The following PPP2R2A variants were observed in gnomAD, a reference collection of about 807,000 sequenced individuals.
The protein encoded by PPP2R2A is serine/threonine-protein phosphatase 2A 55 kDa regulatory subunit B alpha isoform.
Under a neutral mutation model 53.2 loss-of-function variants are expected in PPP2R2A, and 9 were observed. That is an observed-to-expected ratio of 0.17 (90% CI 0.10 to 0.30). PPP2R2A has a LOEUF of 0.30. Ranked by LOEUF, PPP2R2A falls within the 10% of genes least tolerant of loss-of-function variation. PPP2R2A has a pLI of 1.00. For synonymous variants in PPP2R2A, 169 were observed against 174.2 expected, an observed-to-expected ratio of 0.97 and a Z score of 0.23; for missense variants, 235 against 534.6, an observed-to-expected ratio of 0.44 and a Z score of 5.53.
intron 9 of PPP2R2A, among the ~76,000 whole-genome samples, chr8:26,369,410 A>G (rs930847975): frequency 4.0e-5 from 6 of 150,294 alleles, no homozygotes; most frequent in Non-Finnish European, 8.9e-5. Context: ...TTTTTTTCCG[A>G]GACGGAGTCT....
intron 3 of PPP2R2A, among the ~76,000 whole-genome samples, chr8:26,349,248 T>G (rs1002259657): frequency 2.6e-5 from 4 of 151,934 alleles, no homozygotes; most frequent in Admixed American, 1.3e-4. Flanking sequence ...GTGTGTGTGT[T>G]TTGTTGGGGA....
intron 6 of PPP2R2A, 97 bp downstream of exon 6, chr8:26,361,248 T>A: frequency 2.4e-6 from 3 of 1,259,906 alleles, no homozygotes; most frequent in Non-Finnish European, 2.2e-6. Context: ...TTGCTTTTTA[T>A]AGTCTGTGTA....
At chr8:26,309,966 C>A (rs183421229) in intron 2 of PPP2R2A, among the ~76,000 whole-genome samples, 229 of 151,892 alleles carry the variant, frequency 1.5e-3, no homozygotes, top group African/African-American at 5.4e-3. Context: ...CACAGAGACA[C>A]AAAGCTAGCA....
chr8:26,326,486 G>A (rs1336022361), intron 2 of PPP2R2A, among the ~76,000 whole-genome samples: 1 of 152,154 alleles, frequency 6.6e-6, no homozygotes, highest in Non-Finnish European at 1.5e-5. Flanking sequence ...AACAATTCTG[G>A]CAGGAAACAA....
intron 4 of PPP2R2A, among the ~76,000 whole-genome samples, chr8:26,359,728 A>G (rs1219932519): frequency 6.6e-6 from 1 of 152,204 alleles, no homozygotes; most frequent in Non-Finnish European, 1.5e-5. Context: ...GGAGCAAGGG[A>G]GAGCAGCTTT....
At chr8:26,293,406 C>T (rs539085396) in intron 1 of PPP2R2A, 3 of 851,518 alleles carry the variant, frequency 3.5e-6, no homozygotes, top group East Asian at 5.4e-5. Flanking sequence ...CTGTATTTGA[C>T]AGGAAGTTTG....
At chr8:26,314,760 CG>C in intron 2 of PPP2R2A, among the ~76,000 whole-genome samples, 1 of 151,896 alleles carries the variant, frequency 6.6e-6, no homozygotes, top group African/African-American at 2.4e-5. Context: ...TAATTGGACT[CG>C]TACTCATTGG....
At chr8:26,304,156 T>A (rs967392448) in intron 2 of PPP2R2A, among the ~76,000 whole-genome samples, 2 of 152,004 alleles carry the variant, frequency 1.3e-5, no homozygotes, top group Non-Finnish European at 2.9e-5. Context: ...GTAATAATGG[T>A]GTTTAGACTA....
chr8:26,337,403 G>A (rs1445369658), intron 2 of PPP2R2A, among the ~76,000 whole-genome samples: 4 of 152,160 alleles, frequency 2.6e-5, no homozygotes, highest in Admixed American at 2.6e-4. Flanking sequence ...TGATTTTAGA[G>A]CCTAACCCTC....
rs571813204 is a variant in PPP2R2A, at chr8:26,353,940, T to C, written c.181-528T>C. On this transcript the variant is annotated intron_variant, in intron 3 of 9. Transcript: ENST00000380737. ...GTAGGGGTCAAATGGTATCCCTTCT[T>C]TTATAAGAGCTCTTTTTTTAAGCTT... 7.9e-5 allele frequency among the ~76,000 whole-genome samples: 12 copies of C among 152,170 alleles called. No individual in the cohort carries two copies. The South Asian group carries it at 2.5e-3, about 32-fold the overall frequency.
At chr8:26,353,305 A>G (rs1043441387) in intron 3 of PPP2R2A, among the ~76,000 whole-genome samples, 2 of 152,176 alleles carry the variant, frequency 1.3e-5, no homozygotes, top group African/African-American at 2.4e-5. Context: ...CTAATAACTG[A>G]TAACTGCTGT....
chr8:26,329,677 C>T (rs1355480307), intron 2 of PPP2R2A, among the ~76,000 whole-genome samples: 1 of 152,128 alleles, frequency 6.6e-6, no homozygotes, highest in Non-Finnish European at 1.5e-5. Flanking sequence ...AATATACTGC[C>T]AAATGTTCGT....
At chr8:26,332,648 G>A (rs1009727155) in intron 2 of PPP2R2A, among the ~76,000 whole-genome samples, 9 of 152,084 alleles carry the variant, frequency 5.9e-5, no homozygotes, top group African/African-American at 2.2e-4. Context: ...CCACATTAGG[G>A]GGTAGAATTT....
At chr8:26,301,514 T>G (rs1267998440) in intron 2 of PPP2R2A, among the ~76,000 whole-genome samples, 3 of 151,998 alleles carry the variant, frequency 2.0e-5, no homozygotes, top group African/African-American at 7.2e-5. Flanking sequence ...TAAAAATTTT[T>G]TTTTGTAGAG....
At chr8:26,327,793 G>A (rs1487962751) in intron 2 of PPP2R2A, among the ~76,000 whole-genome samples, 3 of 152,164 alleles carry the variant, frequency 2.0e-5, no homozygotes, top group Admixed American at 6.5e-5. Context: ...TTAGCTATGA[G>A]GGGCCAATTG....
At chr8:26,293,409 G>C in intron 1 of PPP2R2A, 2 of 817,936 alleles carry the variant, frequency 2.4e-6, no homozygotes, top group Non-Finnish European at 3.8e-6. Flanking sequence ...TATTTGACAG[G>C]AAGTTTGTGA....
At chr8:26,359,359 G>A (rs1010567025) in intron 4 of PPP2R2A, among the ~76,000 whole-genome samples, 1 of 152,158 alleles carries the variant, frequency 6.6e-6, no homozygotes, top group African/African-American at 2.4e-5. Context: ...GTAGTTAATA[G>A]TAATATACAA....
At chr8:26,292,616 A>G (rs1351707928) in intron 1 of PPP2R2A, among the ~76,000 whole-genome samples, 1 of 152,208 alleles carries the variant, frequency 6.6e-6, no homozygotes, top group Non-Finnish European at 1.5e-5. Flanking sequence ...GGGAGGGGAA[A>G]GGATGTAGAG....
chr8:26,319,511 T>C (rs1167352366), intron 2 of PPP2R2A, among the ~76,000 whole-genome samples: 2 of 152,232 alleles, frequency 1.3e-5, no homozygotes, highest in Non-Finnish European at 2.9e-5. Flanking sequence ...AGCCCTTTGA[T>C]CCACTTTGAG....
Sources: gnomAD v4.1 joint callset for allele counts (sites outside exome capture counted in the v4.1 genomes callset) on GRCh38, gnomAD v4.1.1 for gene constraint, MANE v1.5 for transcripts, NCBI Gene and HGNC (gene_info 2026-07-23, HGNC 2026-07-21) for gene names.